Variants in PGBD5 observed in about 807,000 individuals in gnomAD.
The protein encoded by PGBD5 is piggyBac transposable element derived 5, also known as piggyBac transposable element-derived protein 5.
PGBD5 carries 14 observed loss-of-function variants against 47.9 expected under a neutral mutation model. That is an observed-to-expected ratio of 0.29 (90% CI 0.19 to 0.46). The LOEUF is 0.46. Among genes scored for constraint, PGBD5 ranks in the 20% least tolerant of loss-of-function variants. The probability of loss-of-function intolerance (pLI) is 1.00; values close to 1 mark genes in which losing one functional copy is unlikely to be tolerated. For missense variants in PGBD5, 635 were observed against 716.0 expected (o/e 0.89, Z 1.29); for synonymous variants, 316 against 306.3 (o/e 1.03, Z -0.33).
rs114617720 is a variant in PGBD5, at chr1:230,360,921, C to T, written c.332-3600G>A. On this transcript the variant is annotated intron_variant, in intron 1 of 6. Coordinates refer to ENST00000391860, the MANE Select transcript of PGBD5 (RefSeq NM_001258311.2). The stretch of plus-strand genomic sequence containing the variant: ...ACCCATGTAATCCTCACAACATCTA[C>T]GTGAGGCATCATCCCATTCGGCAAT... Among the ~76,000 whole-genome samples the T allele has an allele frequency of 9.6e-3, 1,465 of 152,276 alleles. 21 individuals are homozygous for T. The highest frequency in any genetic ancestry group is 0.034 in the African/African-American group (1,394 of 41,538).
intron 1 of PGBD5, among the ~76,000 whole-genome samples, chr1:230,390,062 A>C (rs1656747939): frequency 6.6e-6 from 1 of 152,228 alleles, no homozygotes; most frequent in Admixed American, 6.5e-5. Flanking sequence ...AGAGGCTGCC[A>C]GTCAGATTGG....
chr1:230,398,704 A>G (rs1250722258), intron 1 of PGBD5, among the ~76,000 whole-genome samples: 1 of 152,192 alleles, frequency 6.6e-6, no homozygotes, highest in Non-Finnish European at 1.5e-5. Flanking sequence ...AGCCCACCCA[A>G]GACCTCTGGG....
chr1:230,339,167 T>C (rs1379054845), intron 3 of PGBD5, among the ~76,000 whole-genome samples: 2 of 152,186 alleles, frequency 1.3e-5, no homozygotes, highest in East Asian at 3.8e-4. Flanking sequence ...AGCTGAGAAA[T>C]GGAGTGCTTC....
chr1:230,405,769 C>T (rs1023495318), intron 1 of PGBD5, among the ~76,000 whole-genome samples: 1 of 152,192 alleles, frequency 6.6e-6, no homozygotes. Flanking sequence ...GCCAAACGGT[C>T]TTGGGCCTTC....
chr1:230,412,924 GT>G (rs746573366), intron 1 of PGBD5, among the ~76,000 whole-genome samples: 1 of 152,104 alleles, frequency 6.6e-6, no homozygotes, highest in Non-Finnish European at 1.5e-5. Context: ...TCCTCCTTTT[GT>G]TTTTAAATCC....
At chr1:230,383,792 T>C (rs1656569881) in intron 1 of PGBD5, among the ~76,000 whole-genome samples, 1 of 152,212 alleles carries the variant, frequency 6.6e-6, no homozygotes, top group Non-Finnish European at 1.5e-5. Context: ...TTTGCCTGGC[T>C]TTTGCCTCTA....
intron 1 of PGBD5, among the ~76,000 whole-genome samples, chr1:230,368,550 T>C (rs1667878848): frequency 6.6e-6 from 1 of 152,170 alleles, no homozygotes; most frequent in African/African-American, 2.4e-5. Flanking sequence ...AGTGAGTGAA[T>C]GAGTGGGGAA....
At chr1:230,355,090 C>T (rs1036878662) in intron 2 of PGBD5, among the ~76,000 whole-genome samples, 1 of 152,198 alleles carries the variant, frequency 6.6e-6, no homozygotes, top group Non-Finnish European at 1.5e-5. Flanking sequence ...CAGAATAACA[C>T]GATCATCCTT....
At chr1:230,418,889 T>C (rs1163951276) in intron 1 of PGBD5, among the ~76,000 whole-genome samples, 1 of 152,250 alleles carries the variant, frequency 6.6e-6, no homozygotes, top group East Asian at 1.9e-4. Context: ...ATGCAATCTA[T>C]GTGTGCTATG....
chr1:230,368,078 G>T (rs765081343), intron 1 of PGBD5: 19 of 1,367,820 alleles, frequency 1.4e-5, no homozygotes, highest in Non-Finnish European at 1.8e-5. Context: ...TAGCTCTGTG[G>T]TTGCTTCTGA....
rs1169024447 is a variant in PGBD5, at chr1:230,417,612, C to T, written c.331+7986G>A. On this transcript the variant is annotated intron_variant, in intron 1 of 6. Coordinates refer to ENST00000391860, the MANE Select transcript of PGBD5 (RefSeq NM_001258311.2). ...TTGAGACACTTTTCCTTCCTCTTCA[C>T]CTGACTAGTTATTTGTTCTTCAAGG... Among the ~76,000 whole-genome samples, 4 of 152,366 alleles carry T rather than the reference C, an allele frequency of 2.6e-5. No homozygotes were observed. The East Asian group carries it at 7.7e-4, about 29-fold the overall frequency.
At chr1:230,333,095 G>A (rs1558191701) in intron 4 of PGBD5, 54 bp from the exon 5 acceptor site, 1 of 1,531,490 alleles carries the variant, frequency 6.5e-7, no homozygotes, top group South Asian at 1.2e-5. Context: ...AGATGCCGGC[G>A]GCTCCTCCGC....
intron 1 of PGBD5, among the ~76,000 whole-genome samples, chr1:230,361,742 A>G (rs924999497): frequency 6.6e-6 from 1 of 152,222 alleles, no homozygotes; most frequent in African/African-American, 2.4e-5. Context: ...GTAAGACTTG[A>G]TATTCCCTCC....
rs767875597 is a variant in PGBD5 at position 230,337,133 on chromosome 1, C to T, written c.1050G>A (p.Thr350=). Residue 350 remains threonine (T), a synonymous_variant, in exon 4 of 7, where the codon ACG becomes ACA. Coordinates refer to ENST00000391860, the MANE Select transcript of PGBD5 (RefSeq NM_001258311.2). ...IFTGPSITSL[T]LFEEFEKQGI... is the part of the protein sequence containing the mutation. ...CTTGCTTCTCAAACTCTTCAAACAG[C>T]GTCAGGCTGGTGATGCTGGGCCCCG... is the stretch of plus-strand genomic sequence containing the variant. 9 of 1,614,002 alleles carry T rather than the reference C, an allele frequency of 5.6e-6. No homozygotes were observed. The highest frequency in any genetic ancestry group is 1.6e-4 in the Middle Eastern group (1 of 6,084).
In PGBD5 at chr1:230,352,323, G is replaced by A. The variant is rs532492998; in HGVS notation, c.760-1231C>T. Among the ~76,000 whole-genome samples the A allele has an allele frequency of 2.0e-4, 30 of 152,282 alleles. No homozygotes were observed. The South Asian group carries it at 6.2e-3, about 32-fold the overall frequency. ...AGTTTGAACAAATCAGTCACCTGAG[G>A]ATCCTGCTAAAATGTGGATTGTGAT... On this transcript the variant is annotated intron_variant, in intron 2 of 6. Transcript: ENST00000391860.
In PGBD5 at chr1:230,316,317, G is replaced by C. The variant is rs1050773633; in HGVS notation, c.*7108C>G. 8 of 152,654 alleles carry C rather than the reference G, an allele frequency of 5.2e-5. No homozygotes were observed. The highest frequency in any genetic ancestry group is 1.9e-4 in the African/African-American group (8 of 41,396). 9.5% of individuals were successfully genotyped at this position (152,654 alleles called of 1,614,324 possible). On this transcript the variant is annotated 3_prime_UTR_variant, in exon 7 of 7. Coordinates refer to ENST00000391860, the MANE Select transcript of PGBD5 (RefSeq NM_001258311.2). ...AAGCTACAAAGTCACACTATCCTAT[G>C]GCCTTGTGTTTAGATGGAGCAAAGC... is the stretch of plus-strand genomic sequence containing the variant.
chr1:230,348,930 G>T (rs1325489248), intron 3 of PGBD5, among the ~76,000 whole-genome samples: 2 of 152,254 alleles, frequency 1.3e-5, no homozygotes, highest in African/African-American at 4.8e-5. Flanking sequence ...AAGCTACGCT[G>T]CTTTTGACTG....
intron 1 of PGBD5, among the ~76,000 whole-genome samples, chr1:230,408,363 A>G (rs995605497): frequency 2.0e-5 from 3 of 152,192 alleles, no homozygotes; most frequent in African/African-American, 7.2e-5. Flanking sequence ...GTATGTATGC[A>G]TGTAATGTAA....
intron 1 of PGBD5, among the ~76,000 whole-genome samples, chr1:230,360,458 T>G (rs1344815414): frequency 6.6e-6 from 1 of 152,180 alleles, no homozygotes; most frequent in Non-Finnish European, 1.5e-5. Context: ...AAATCTCATC[T>G]TGAATTGTAA....
Sources: gnomAD v4.1 joint callset for allele counts (sites outside exome capture counted in the v4.1 genomes callset) on GRCh38, gnomAD v4.1.1 for gene constraint, MANE v1.5 for transcripts, NCBI Gene and HGNC (gene_info 2026-07-23, HGNC 2026-07-21) for gene names.